LDB2: variants seen among roughly 807,000 people sequenced by gnomAD.
LDB2 encodes LIM domain-binding protein 2.
In LDB2, 12 loss-of-function variants were observed where a neutral mutation model predicts 44.3. The ratio of observed to expected loss-of-function variants is 0.27; its 90% CI spans 0.17 to 0.44. LDB2 has a LOEUF of 0.44. LDB2 is among the 20% of genes least tolerant of loss of function. The pLI is 1.00. For missense variants in LDB2, 344 were observed against 473.5 expected (o/e 0.73, Z 2.54); for synonymous variants, 164 against 174.8 (o/e 0.94, Z 0.49).
At chr4:16,587,044 C>A (rs1717244118) in intron 4 of LDB2, among the ~76,000 whole-genome samples, 1 of 152,174 alleles carries the variant, frequency 6.6e-6, no homozygotes, top group South Asian at 2.1e-4. Context: ...TAAAAGAGGT[C>A]TTCCCTGACA....
chr4:16,586,332 C>G (rs1716787223), intron 4 of LDB2, among the ~76,000 whole-genome samples: 1 of 152,076 alleles, frequency 6.6e-6, no homozygotes, highest in South Asian at 2.1e-4. Context: ...GCCAGGAGAG[C>G]TCCAGGTCTA....
intron 1 of LDB2, among the ~76,000 whole-genome samples, chr4:16,767,620 C>T (rs1195062743): frequency 6.6e-6 from 1 of 152,136 alleles, no homozygotes; most frequent in African/African-American, 2.4e-5. Context: ...GAATTCTTTT[C>T]CCCAAAGCTA....
chr4:16,888,128 T>C (rs993994779), intron 1 of LDB2, among the ~76,000 whole-genome samples: 2 of 152,300 alleles, frequency 1.3e-5, no homozygotes, highest in Admixed American at 1.3e-4. Context: ...CCCAGCTCCC[T>C]TGGAGAAGTC....
At chr4:16,817,079 G>T (rs1781084711) in intron 1 of LDB2, among the ~76,000 whole-genome samples, 1 of 152,132 alleles carries the variant, frequency 6.6e-6, no homozygotes, top group Non-Finnish European at 1.5e-5. Context: ...GTTGCTAGAA[G>T]TTGCCATTTT....
At chr4:16,521,219 CT>C (rs1725944822) in intron 5 of LDB2, among the ~76,000 whole-genome samples, 1 of 152,140 alleles carries the variant, frequency 6.6e-6, no homozygotes, top group South Asian at 2.1e-4. Context: ...GGCTGGAAAT[CT>C]GAAATCAAGG....
intron 2 of LDB2, among the ~76,000 whole-genome samples, chr4:16,631,872 C>T (rs1732057844): frequency 6.6e-6 from 1 of 152,122 alleles, no homozygotes; most frequent in African/African-American, 2.4e-5. Flanking sequence ...TACACCTTCC[C>T]AAGACTAAAC....
chr4:16,842,084 T>A (rs1436624854), intron 1 of LDB2, among the ~76,000 whole-genome samples: 1 of 152,196 alleles, frequency 6.6e-6, no homozygotes, highest in Admixed American at 6.5e-5. Flanking sequence ...AAAGTTATCA[T>A]CCTTAAACAT....
intron 5 of LDB2, among the ~76,000 whole-genome samples, chr4:16,572,653 C>G (rs984538103): frequency 6.6e-6 from 1 of 152,026 alleles, no homozygotes; most frequent in African/African-American, 2.4e-5. Context: ...TCAGAAATCA[C>G]TGATTTCTAG....
At chr4:16,897,927 T>TACACAC (rs1561574694) in intron 1 of LDB2, among the ~76,000 whole-genome samples, 1 of 16,968 alleles carries the variant, frequency 5.9e-5, no homozygotes, top group Non-Finnish European at 9.5e-5. Context: ...TATATATATA[T>TACACAC]ATATATATAT....
intron 2 of LDB2, among the ~76,000 whole-genome samples, chr4:16,698,785 T>G (rs568825024): frequency 1.3e-5 from 2 of 152,346 alleles, no homozygotes; most frequent in African/African-American, 4.8e-5. Flanking sequence ...ACTTATTATT[T>G]TTCTTCATGG....
intron 5 of LDB2, among the ~76,000 whole-genome samples, chr4:16,553,048 T>C (rs1022334285): frequency 1.2e-4 from 18 of 152,198 alleles, no homozygotes; most frequent in African/African-American, 4.1e-4. Flanking sequence ...CCATGCATTC[T>C]GAGGAGCCAT....
intron 2 of LDB2, among the ~76,000 whole-genome samples, chr4:16,733,599 T>A (rs546762732): frequency 6.6e-6 from 1 of 152,124 alleles, no homozygotes; most frequent in African/African-American, 2.4e-5. Context: ...TACAGGGATA[T>A]CACAAAATAA....
intron 5 of LDB2, among the ~76,000 whole-genome samples, chr4:16,557,132 T>G (rs1235846381): frequency 1.3e-5 from 2 of 152,134 alleles, no homozygotes; most frequent in Non-Finnish European, 2.9e-5. Context: ...GGTCTATAGC[T>G]CCCAGCGTGA....
At chr4:16,695,211 G>C (rs1279786105) in intron 2 of LDB2, among the ~76,000 whole-genome samples, 2 of 152,078 alleles carry the variant, frequency 1.3e-5, no homozygotes, top group African/African-American at 4.8e-5. Flanking sequence ...TTTTGTCAGA[G>C]CTCCAAATAG....
chr4:16,702,142 A>G (rs567549044), intron 2 of LDB2, among the ~76,000 whole-genome samples: 4 of 152,350 alleles, frequency 2.6e-5, no homozygotes, highest in African/African-American at 7.2e-5. Flanking sequence ...AAAATGAAAC[A>G]AAGACCAAAG....
At chr4:16,708,165 A>G (rs1179481056) in intron 2 of LDB2, among the ~76,000 whole-genome samples, 3 of 151,914 alleles carry the variant, frequency 2.0e-5, no homozygotes, top group African/African-American at 2.4e-5. Flanking sequence ...ACTTTGGGGG[A>G]AAAAAAAGTC....
intron 1 of LDB2, among the ~76,000 whole-genome samples, chr4:16,870,926 G>A (rs190284078): frequency 2.1e-3 from 319 of 152,264 alleles, no homozygotes; most frequent in African/African-American, 6.8e-3. Context: ...GAGCCACCAT[G>A]CCCTGCCTCC....
chr4:16,654,603 A>G (rs1193483177), intron 2 of LDB2, among the ~76,000 whole-genome samples: 1 of 152,216 alleles, frequency 6.6e-6, no homozygotes, highest in Non-Finnish European at 1.5e-5. Flanking sequence ...GGAAGTTAGG[A>G]AAATTTAGCC....
At chr4:16,782,614 T>A (rs1773537549) in intron 1 of LDB2, among the ~76,000 whole-genome samples, 1 of 152,166 alleles carries the variant, frequency 6.6e-6, no homozygotes, top group African/African-American at 2.4e-5. Flanking sequence ...CCTCCCAAAG[T>A]GTTGGCATTA....
Sources: allele counts gnomAD v4.1 joint callset (sites outside exome capture counted in the v4.1 genomes callset), GRCh38; gene constraint gnomAD v4.1.1; transcripts MANE v1.5; gene names NCBI Gene and HGNC (gene_info 2026-07-23, HGNC 2026-07-21).